Variants in RIMS2 observed in about 807,000 individuals in gnomAD.
RIMS2 encodes the protein regulating synaptic membrane exocytosis 2.
A neutral mutation model predicts 174.4 loss-of-function variants in RIMS2; 59 were observed. The observed-to-expected ratio is 0.34, with a 90% CI of 0.27 to 0.42. The LOEUF (loss-of-function observed/expected upper bound fraction) is 0.42. Among genes scored for constraint, RIMS2 ranks in the 10% least tolerant of loss-of-function variants. The pLI is 1.00. For synonymous variants in RIMS2, 606 were observed against 572.5 expected (o/e 1.06, Z -0.84); for missense variants, 1,620 against 1,666.3 (o/e 0.97, Z 0.48).
At chr8:103,535,575 G>C (rs1839378034) in intron 1 of RIMS2, among the ~76,000 whole-genome samples, 1 of 152,188 alleles carries the variant, frequency 6.6e-6, no homozygotes, top group African/African-American at 2.4e-5. Flanking sequence ...CTAGACTCCA[G>C]GAGCCAGTGG....
chr8:103,699,254 T>C (rs1319891295), intron 2 of RIMS2, among the ~76,000 whole-genome samples: 3 of 152,238 alleles, frequency 2.0e-5, no homozygotes, highest in Non-Finnish European at 4.4e-5. Context: ...AGAGAAAGGA[T>C]CTTACTCTGT....
chr8:104,022,519 T>G (rs1353570965), intron 19 of RIMS2, among the ~76,000 whole-genome samples: 1 of 152,026 alleles, frequency 6.6e-6, no homozygotes, highest in Non-Finnish European at 1.5e-5. Flanking sequence ...GTAGCTGGGA[T>G]TACAGGTGCC....
intron 19 of RIMS2, among the ~76,000 whole-genome samples, chr8:104,207,043 T>C (rs1486277321): frequency 6.6e-6 from 1 of 152,158 alleles, no homozygotes; most frequent in Non-Finnish European, 1.5e-5. Flanking sequence ...AAATCAAATG[T>C]CTGTTAAAGA....
At chr8:103,778,581 A>T (rs1468271709) in intron 3 of RIMS2, among the ~76,000 whole-genome samples, 2 of 152,174 alleles carry the variant, frequency 1.3e-5, no homozygotes, top group African/African-American at 4.8e-5. Flanking sequence ...GCTGCAAATG[A>T]CAGGATTTCA....
At chr8:104,022,528 C>A (rs1304729746) in intron 19 of RIMS2, among the ~76,000 whole-genome samples, 1 of 151,978 alleles carries the variant, frequency 6.6e-6, no homozygotes, top group Non-Finnish European at 1.5e-5. Flanking sequence ...ATTACAGGTG[C>A]CTGCCACCAC....
At chr8:103,847,794 GA>G (rs2098975506) in intron 3 of RIMS2, among the ~76,000 whole-genome samples, 2 of 152,086 alleles carry the variant, frequency 1.3e-5, no homozygotes, top group South Asian at 2.1e-4. Context: ...CAGAAGCAAG[GA>G]TTATATACAT....
intron 1 of RIMS2, among the ~76,000 whole-genome samples, chr8:103,509,456 G>C (rs1825401290): frequency 6.6e-6 from 1 of 151,984 alleles, no homozygotes; most frequent in Non-Finnish European, 1.5e-5. Context: ...TTCCTTCCCT[G>C]TATATATTTC....
chr8:103,893,319 T>C (rs1418405239), intron 4 of RIMS2, among the ~76,000 whole-genome samples: 1 of 152,116 alleles, frequency 6.6e-6, no homozygotes, highest in Non-Finnish European at 1.5e-5. Flanking sequence ...TAGAAAATTG[T>C]ATCTGGGGTA....
intron 3 of RIMS2, among the ~76,000 whole-genome samples, chr8:103,870,397 C>CCAT (rs1193307692): frequency 6.6e-6 from 1 of 151,850 alleles, no homozygotes; most frequent in African/African-American, 2.4e-5. Flanking sequence ...ACCACCACCA[C>CCAT]CACTACACCA....
At chr8:103,885,363 A>G (rs1343077560) in exon 4 of RIMS2, 2 of 1,612,132 alleles carry the variant, frequency 1.2e-6, no homozygotes, top group Non-Finnish European at 1.7e-6. Flanking sequence ...GAAAGAGAGG[A>G]ATATTCACAG....
intron 1 of RIMS2, among the ~76,000 whole-genome samples, chr8:103,526,704 A>G (rs1323320719): frequency 6.6e-6 from 1 of 152,220 alleles, no homozygotes; most frequent in African/African-American, 2.4e-5. Flanking sequence ...GAGAGAAATA[A>G]CTAGGAGAAA....
At chr8:103,723,553 C>T (rs1031723706) in intron 2 of RIMS2, among the ~76,000 whole-genome samples, 1 of 152,136 alleles carries the variant, frequency 6.6e-6, no homozygotes, top group Non-Finnish European at 1.5e-5. Context: ...AGTCTGCATT[C>T]ATAAGGGCTG....
chr8:103,708,909 A>G (rs1487882149), intron 2 of RIMS2, among the ~76,000 whole-genome samples: 2 of 152,092 alleles, frequency 1.3e-5, no homozygotes, highest in African/African-American at 4.8e-5. Flanking sequence ...TCCTGTTCCC[A>G]GTATATTAGG....
chr8:103,508,759 C>G (rs1301216269), intron 1 of RIMS2, among the ~76,000 whole-genome samples: 1 of 151,968 alleles, frequency 6.6e-6, no homozygotes, highest in Non-Finnish European at 1.5e-5. Context: ...GAGATTCTTA[C>G]AGTAATCCAG....
Position 104,050,720 on chromosome 8 carries a change from C to T in RIMS2, c.3334+36105C>T, listed in dbSNP as rs559173157. 6.6e-5 allele frequency among the ~76,000 whole-genome samples: 10 copies of T among 152,022 alleles called. No homozygotes were observed. In the East Asian group the frequency reaches 1.5e-3, roughly 24 times the overall value. On this transcript the variant is annotated intron_variant, in intron 19 of 23. Coordinates refer to ENST00000504942, the Ensembl canonical transcript of RIMS2. ...TGAATAAGTAAAGCGTAGCACTGGACGGTAGTTATGATTAAAATATATTTG... is the reference window on the plus strand; with the variant it reads ...TGAATAAGTAAAGCGTAGCACTGGATGGTAGTTATGATTAAAATATATTTG...
intron 3 of RIMS2, among the ~76,000 whole-genome samples, chr8:103,800,128 T>A (rs1374138888): frequency 6.6e-6 from 1 of 152,196 alleles, no homozygotes; most frequent in East Asian, 1.9e-4. Context: ...TTATATATAA[T>A]GTTTATAATG....
intron 1 of RIMS2, among the ~76,000 whole-genome samples, chr8:103,660,340 C>G (rs904588512): frequency 3.3e-5 from 5 of 152,216 alleles, no homozygotes; most frequent in African/African-American, 1.2e-4. Context: ...GGATGTGCAC[C>G]CTTTGCTTCC....
rs139613175 is a variant in RIMS2, at chr8:103,575,555, T to A, written c.176+74493T>A. On this transcript the variant is annotated intron_variant, in intron 1 of 23. Coordinates refer to ENST00000504942, the Ensembl canonical transcript of RIMS2. ...TGCTGCTATAACAAATTACCACAAA[T>A]ACTGGTTTCAAAGGTGGTGAAGTGA... is the stretch of plus-strand genomic sequence containing the variant. 6.6e-5 allele frequency among the ~76,000 whole-genome samples: 10 copies of A among 151,734 alleles called. No individual in the cohort carries two copies. The East Asian group carries it at 1.9e-3, about 29-fold the overall frequency.
intron 2 of RIMS2, among the ~76,000 whole-genome samples, chr8:103,749,110 A>ATT (rs11391244): frequency 0.011 from 1,528 of 138,138 alleles, 80 homozygotes; most frequent in Admixed American, 0.087. Flanking sequence ...TATGCTTTCT[A>ATT]TTTTTTTTTT....
Sources: allele counts gnomAD v4.1 joint callset (sites outside exome capture counted in the v4.1 genomes callset), GRCh38; gene constraint gnomAD v4.1.1; transcripts MANE v1.5; gene names NCBI Gene and HGNC (gene_info 2026-07-23, HGNC 2026-07-21).